Variants in CSMD1 observed in about 807,000 individuals in gnomAD.
CSMD1 encodes the protein CUB and sushi domain-containing protein 1.
A neutral mutation model predicts 417.5 loss-of-function variants in CSMD1; 213 were observed. That is an observed-to-expected ratio of 0.51 (90% CI 0.46 to 0.57). The LOEUF (loss-of-function observed/expected upper bound fraction) is 0.57, where lower values mean the gene tolerates loss of function less well. Among genes scored for constraint, CSMD1 ranks in the 20% least tolerant of loss-of-function variants. The pLI is 0.00. For synonymous variants in CSMD1, 2,862 were observed against 1,736.8 expected (o/e 1.65, Z -16.11); for missense variants, 6,923 against 4,529.7 (o/e 1.53, Z -15.17).
At chr8:3,226,667 G>A (rs1798523399) in intron 27 of CSMD1, among the ~76,000 whole-genome samples, 1 of 151,646 alleles carries the variant, frequency 6.6e-6, no homozygotes, top group African/African-American at 2.4e-5. Context: ...AAACAGAGGA[G>A]GCTTCATGGT....
intron 5 of CSMD1, among the ~76,000 whole-genome samples, chr8:3,947,600 T>G (rs1199953853): frequency 6.6e-6 from 1 of 152,162 alleles, no homozygotes; most frequent in Non-Finnish European, 1.5e-5. Flanking sequence ...AGAAGTGTTT[T>G]GTTTAGTTTC....
intron 11 of CSMD1, among the ~76,000 whole-genome samples, chr8:3,484,633 T>A (rs1817923609): frequency 2.0e-5 from 3 of 152,040 alleles, no homozygotes. Flanking sequence ...GAAACCCACA[T>A]GAAGAAAGTG....
intron 3 of CSMD1, among the ~76,000 whole-genome samples, chr8:4,109,162 G>A (rs924574350): frequency 2.0e-5 from 3 of 151,996 alleles, no homozygotes; most frequent in Admixed American, 6.6e-5. Flanking sequence ...TGTAAATAGT[G>A]TTATGCTGTA....
chr8:4,664,333 G>C (rs538234525), intron 1 of CSMD1, among the ~76,000 whole-genome samples: 1 of 152,182 alleles, frequency 6.6e-6, no homozygotes, highest in Non-Finnish European at 1.5e-5. Flanking sequence ...GCTGAGGCGG[G>C]CGGATCACTT....
At chr8:4,456,442 T>C (rs575384324) in intron 2 of CSMD1, among the ~76,000 whole-genome samples, 1 of 152,244 alleles carries the variant, frequency 6.6e-6, no homozygotes, top group African/African-American at 2.4e-5. Context: ...TAATTGCTGT[T>C]AAGAGTATTC....
At chr8:4,754,924 G>T (rs1161760692) in intron 1 of CSMD1, among the ~76,000 whole-genome samples, 3 of 152,062 alleles carry the variant, frequency 2.0e-5, no homozygotes, top group African/African-American at 2.4e-5. Flanking sequence ...GGATCACAAG[G>T]TCGGGAGTTC....
At chr8:3,273,010 A>T (rs995728453) in intron 26 of CSMD1, among the ~76,000 whole-genome samples, 3 of 151,308 alleles carry the variant, frequency 2.0e-5, no homozygotes, top group Non-Finnish European at 2.9e-5. Context: ...GTCTTGTGCC[A>T]GTCTTCAAAG....
At chr8:4,952,400 A>G (rs1222969242) in intron 1 of CSMD1, among the ~76,000 whole-genome samples, 1 of 152,084 alleles carries the variant, frequency 6.6e-6, no homozygotes, top group African/African-American at 2.4e-5. Flanking sequence ...CACACTTAAA[A>G]ATTGTAAAAT....
chr8:3,382,610 A>G (rs1319404842), intron 18 of CSMD1, among the ~76,000 whole-genome samples: 4 of 127,800 alleles, frequency 3.1e-5, no homozygotes, highest in African/African-American at 1.1e-4. Flanking sequence ...ATAATATATA[A>G]TAATAAATAT....
chr8:3,795,120 C>A (rs1388191564), intron 5 of CSMD1, among the ~76,000 whole-genome samples: 5 of 75,784 alleles, frequency 6.6e-5, no homozygotes, highest in African/African-American at 2.4e-4. Context: ...CTATAGATAT[C>A]TATCATGTAC....
At chr8:3,542,786 G>A (rs937208606) in intron 10 of CSMD1, among the ~76,000 whole-genome samples, 25 of 152,184 alleles carry the variant, frequency 1.6e-4, no homozygotes, top group Non-Finnish European at 4.4e-5. Flanking sequence ...CTTTCCCCAG[G>A]ACAGGATATC....
intron 1 of CSMD1, among the ~76,000 whole-genome samples, chr8:4,982,989 G>C (rs1234352286): frequency 6.6e-6 from 1 of 152,112 alleles, no homozygotes; most frequent in African/African-American, 2.4e-5. Flanking sequence ...TAGTCATGAA[G>C]ATCAAAATGA....
At chr8:3,991,988 A>G (rs1006695171) in intron 5 of CSMD1, among the ~76,000 whole-genome samples, 2 of 152,150 alleles carry the variant, frequency 1.3e-5, no homozygotes, top group South Asian at 2.1e-4. Flanking sequence ...AAAAAAATAC[A>G]CTATTGAAAA....
At chr8:4,021,268 T>C (rs948078849) in intron 4 of CSMD1, among the ~76,000 whole-genome samples, 3 of 152,208 alleles carry the variant, frequency 2.0e-5, no homozygotes, top group African/African-American at 4.8e-5. Context: ...TTTACATTAA[T>C]TCTGCATTAA....
At chr8:4,902,518 A>C (rs1432439299) in intron 1 of CSMD1, among the ~76,000 whole-genome samples, 1 of 152,202 alleles carries the variant, frequency 6.6e-6, no homozygotes, top group Non-Finnish European at 1.5e-5. Context: ...GCAAATGTCA[A>C]CTTTACATCA....
intron 5 of CSMD1, among the ~76,000 whole-genome samples, chr8:3,973,840 G>GT (rs1453752943): frequency 3.3e-5 from 5 of 152,220 alleles, no homozygotes; most frequent in Admixed American, 6.6e-5. Flanking sequence ...TGTAGTTGCT[G>GT]TTTTTTAATT....
At chr8:3,920,351 G>A (rs945508691) in intron 5 of CSMD1, among the ~76,000 whole-genome samples, 16 of 124,384 alleles carry the variant, frequency 1.3e-4, no homozygotes, top group South Asian at 6.7e-4. Context: ...TCTAAGATGC[G>A]TGTGTGTTTG....
At chr8:4,697,725 T>C (rs1031804002) in intron 1 of CSMD1, among the ~76,000 whole-genome samples, 7 of 152,144 alleles carry the variant, frequency 4.6e-5, no homozygotes, top group Non-Finnish European at 7.3e-5. Flanking sequence ...GTGGATTAGT[T>C]AATAACTCAA....
intron 12 of CSMD1, among the ~76,000 whole-genome samples, chr8:3,412,201 C>CATATATAT (rs1812855330): frequency 1.4e-5 from 2 of 147,592 alleles, no homozygotes; most frequent in East Asian, 4.1e-4. Context: ...TACATACATA[C>CATATATAT]ACACACACAC....
Sources: gnomAD v4.1 joint callset for allele counts (sites outside exome capture counted in the v4.1 genomes callset) on GRCh38, gnomAD v4.1.1 for gene constraint, MANE v1.5 for transcripts, NCBI Gene and HGNC (gene_info 2026-07-23, HGNC 2026-07-21) for gene names.